Variants in RIMS2 observed in about 807,000 individuals in gnomAD.
RIMS2 encodes the protein regulating synaptic membrane exocytosis 2.
Under a neutral mutation model 174.4 loss-of-function variants are expected in RIMS2, and 59 were observed. That is an observed-to-expected ratio of 0.34 (90% CI 0.27 to 0.42). RIMS2 has a LOEUF of 0.42. Ranked by LOEUF, RIMS2 falls within the 10% of genes least tolerant of loss-of-function variation. RIMS2 has a pLI of 1.00. For synonymous variants in RIMS2, 606 were observed against 572.5 expected (o/e 1.06, Z -0.84); for missense variants, 1,620 against 1,666.3 (o/e 0.97, Z 0.48).
At chr8:103,876,299 C>A (rs2099136319) in intron 3 of RIMS2, among the ~76,000 whole-genome samples, 1 of 151,812 alleles carries the variant, frequency 6.6e-6, no homozygotes, top group Non-Finnish European at 1.5e-5. Flanking sequence ...AGATAGGGAT[C>A]CAGTTTCATT....
intron 4 of RIMS2, among the ~76,000 whole-genome samples, chr8:103,888,052 T>A (rs1213645762): frequency 6.6e-6 from 1 of 151,440 alleles, no homozygotes; most frequent in Non-Finnish European, 1.5e-5. Flanking sequence ...TTAAGAGTAG[T>A]GAGGGAGAAC....
intron 19 of RIMS2, among the ~76,000 whole-genome samples, chr8:104,197,648 C>A (rs1812996825): frequency 6.6e-6 from 1 of 152,086 alleles, no homozygotes; most frequent in Non-Finnish European, 1.5e-5. Flanking sequence ...ACTTAAAACT[C>A]ATTGAGGTCT....
At chr8:103,708,360 A>T (rs1369325501) in intron 2 of RIMS2, among the ~76,000 whole-genome samples, 1 of 152,122 alleles carries the variant, frequency 6.6e-6, no homozygotes, top group African/African-American at 2.4e-5. Flanking sequence ...CTCTAAGCAT[A>T]TATTCTTTCC....
In RIMS2 at chr8:104,026,900, A is replaced by G. The variant is rs575679763; in HGVS notation, c.3334+12285A>G. Among the ~76,000 whole-genome samples the G allele has an allele frequency of 7.9e-5, 12 of 152,272 alleles. No individual in the cohort carries two copies. In the South Asian group the frequency reaches 2.3e-3, roughly 29 times the overall value. On this transcript the variant is annotated intron_variant, in intron 19 of 23. Coordinates refer to ENST00000504942, the Ensembl canonical transcript of RIMS2. The stretch of plus-strand genomic sequence containing the variant: ...ATCTTAATTTCCAAATTTGATTAAT[A>G]TGTAGCTAGGAATGGATTTTATGGT...
chr8:103,827,913 G>T (rs2098802026), intron 3 of RIMS2, among the ~76,000 whole-genome samples: 1 of 151,928 alleles, frequency 6.6e-6, no homozygotes, highest in South Asian at 2.1e-4. Flanking sequence ...AAAAAAAAAG[G>T]TGTGCATTTT....
chr8:103,942,101 G>A (rs577237010), intron 13 of RIMS2, among the ~76,000 whole-genome samples: 1 of 152,184 alleles, frequency 6.6e-6, no homozygotes, highest in South Asian at 2.1e-4. Context: ...GAGGTATTAA[G>A]CTTAATACCA....
At chr8:103,754,680 A>G (rs202077809) in intron 2 of RIMS2, among the ~76,000 whole-genome samples, 5 of 152,044 alleles carry the variant, frequency 3.3e-5, no homozygotes, top group East Asian at 1.9e-4. Flanking sequence ...TTACCATTAT[A>G]TAATGGCCTT....
chr8:103,879,699 T>C (rs1031083509), intron 3 of RIMS2, among the ~76,000 whole-genome samples: 1 of 151,656 alleles, frequency 6.6e-6, no homozygotes, highest in African/African-American at 2.4e-5. Flanking sequence ...TAGACCCTCA[T>C]TTAAACTTGC....
intron 1 of RIMS2, among the ~76,000 whole-genome samples, chr8:103,694,775 C>G (rs1393976563): frequency 6.6e-6 from 1 of 152,168 alleles, no homozygotes; most frequent in Non-Finnish European, 1.5e-5. Flanking sequence ...AGGGCCTGGC[C>G]TGATACTGGG....
intron 3 of RIMS2, among the ~76,000 whole-genome samples, chr8:103,777,888 G>A (rs2098335665): frequency 6.6e-6 from 1 of 151,792 alleles, no homozygotes; most frequent in Non-Finnish European, 1.5e-5. Context: ...GGTATAAACT[G>A]GGTACAAAAT....
At chr8:104,050,258 GC>G in intron 19 of RIMS2, among the ~76,000 whole-genome samples, 1 of 152,044 alleles carries the variant, frequency 6.6e-6, no homozygotes, top group Non-Finnish European at 1.5e-5. Flanking sequence ...TACGTATCAG[GC>G]CTTATTCTAG....
At chr8:103,654,261 G>A (rs1259969632) in intron 1 of RIMS2, among the ~76,000 whole-genome samples, 1 of 151,850 alleles carries the variant, frequency 6.6e-6, no homozygotes, top group Non-Finnish European at 1.5e-5. Flanking sequence ...GACATATTTT[G>A]TGAGTAACTT....
At chr8:103,643,730 C>G (rs1437797734) in intron 1 of RIMS2, among the ~76,000 whole-genome samples, 1 of 151,936 alleles carries the variant, frequency 6.6e-6, no homozygotes, top group African/African-American at 2.4e-5. Flanking sequence ...TATAAGAACT[C>G]TACTGATTTG....
chr8:103,641,283 T>C (rs1019394674), intron 1 of RIMS2, among the ~76,000 whole-genome samples: 9 of 152,134 alleles, frequency 5.9e-5, no homozygotes, highest in Admixed American at 6.6e-5. Flanking sequence ...TAGAGGTGTA[T>C]GTAATGATTT....
At chr8:103,570,437 A>C (rs372241999) in intron 1 of RIMS2, among the ~76,000 whole-genome samples, 2 of 152,242 alleles carry the variant, frequency 1.3e-5, no homozygotes, top group East Asian at 1.9e-4. Flanking sequence ...ATGCATATTG[A>C]ATGTTCTTAT....
At chr8:104,117,051 T>C (rs1424915803) in intron 19 of RIMS2, among the ~76,000 whole-genome samples, 3 of 151,838 alleles carry the variant, frequency 2.0e-5, no homozygotes, top group Non-Finnish European at 4.4e-5. Context: ...CAGTTTTGCT[T>C]AAAATTCATC....
chr8:103,777,356 A>G (rs1285405279), intron 3 of RIMS2, among the ~76,000 whole-genome samples: 2 of 151,976 alleles, frequency 1.3e-5, no homozygotes, highest in African/African-American at 4.8e-5. Context: ...TCTTTTTTTC[A>G]GTATATCTAT....
intron 19 of RIMS2, among the ~76,000 whole-genome samples, chr8:104,205,168 A>C (rs2099074155): frequency 6.6e-6 from 1 of 152,292 alleles, no homozygotes; most frequent in South Asian, 2.1e-4. Context: ...TGTGAAAACT[A>C]TACCTTTTTC....
chr8:103,854,284 T>C (rs1169347604), intron 3 of RIMS2, among the ~76,000 whole-genome samples: 2 of 152,072 alleles, frequency 1.3e-5, no homozygotes, highest in Non-Finnish European at 2.9e-5. Context: ...GTTTCCTAGG[T>C]ATAGAATTAT....
Sources: allele counts gnomAD v4.1 joint callset (sites outside exome capture counted in the v4.1 genomes callset), GRCh38; gene constraint gnomAD v4.1.1; transcripts MANE v1.5; gene names NCBI Gene and HGNC (gene_info 2026-07-23, HGNC 2026-07-21).